The following KIAA1671 variants were observed in gnomAD, a reference collection of about 807,000 sequenced individuals.
KIAA1671 encodes the protein KIAA1671.
A neutral mutation model predicts 131.2 loss-of-function variants in KIAA1671; 52 were observed. The observed-to-expected ratio is 0.40, with a 90% CI of 0.32 to 0.50. The LOEUF is 0.50. Among genes scored for constraint, KIAA1671 ranks in the 20% least tolerant of loss-of-function variants. The pLI is 0.73. For missense variants in KIAA1671, 2,360 were observed against 2,364.2 expected (o/e 1.00, Z 0.04); for synonymous variants, 1,003 against 961.6 (o/e 1.04, Z -0.80).
chr22:25,082,580 C>G (rs1929469055), intron 6 of KIAA1671, among the ~76,000 whole-genome samples: 1 of 152,200 alleles, frequency 6.6e-6, no homozygotes, highest in Non-Finnish European at 1.5e-5. Flanking sequence ...TGCCTGTAAT[C>G]TCAGAACCTT....
intron 1 of KIAA1671, among the ~76,000 whole-genome samples, chr22:24,993,701 T>C (rs2123850942): frequency 6.6e-6 from 1 of 152,328 alleles, no homozygotes; most frequent in East Asian, 1.9e-4. Context: ...TTATCCACAT[T>C]GCTCTATCAC....
intron 6 of KIAA1671, among the ~76,000 whole-genome samples, chr22:25,117,028 A>G (rs1931700644): frequency 6.6e-6 from 1 of 152,146 alleles, no homozygotes; most frequent in African/African-American, 2.4e-5. Flanking sequence ...TGTGCATTGT[A>G]AGCTTATCCC....
chr22:25,100,309 A>G (rs912514765), intron 6 of KIAA1671, among the ~76,000 whole-genome samples: 13 of 152,214 alleles, frequency 8.5e-5, no homozygotes, highest in African/African-American at 2.9e-4. Context: ...CCCCAAAGCC[A>G]TGTTGGTGAA....
At chr22:24,963,897 G>A (rs1602029514) in intron 1 of KIAA1671, among the ~76,000 whole-genome samples, 2 of 147,612 alleles carry the variant, frequency 1.4e-5, no homozygotes, top group East Asian at 2.0e-4. Context: ...CCAAGATCAC[G>A]CCACTGCACT....
At chr22:24,979,963 TCTC>T (rs755777331) in intron 1 of KIAA1671, among the ~76,000 whole-genome samples, 27 of 151,916 alleles carry the variant, frequency 1.8e-4, no homozygotes, top group Non-Finnish European at 3.8e-4. Flanking sequence ...AGAATTCCCT[TCTC>T]TTTTTTTTTT....
At position 25,121,216 on chromosome 22, in the gene KIAA1671, A is replaced by G. The variant is rs548892443; in HGVS notation, c.4531-49604A>G. 6.6e-5 allele frequency among the ~76,000 whole-genome samples: 10 copies of G among 152,160 alleles called. No homozygotes were observed. The South Asian group carries it at 2.1e-3, about 32-fold the overall frequency. ...GGTGGCTCACGCCTGTAGTCCCAGC[A>G]CTTTGGGAGGCCGAGGCGGGCGGAT... is the stretch of plus-strand genomic sequence containing the variant. On this transcript the variant is annotated intron_variant, in intron 6 of 12. Transcript: ENST00000358431.
rs113149180 is a variant in KIAA1671, at chr22:25,122,713, G to A, written c.4531-48107G>A. 1.3e-3 allele frequency among the ~76,000 whole-genome samples: 192 copies of A among 152,260 alleles called. 1 individual carries two copies. Among genetic ancestry groups the A allele is most frequent in the African/African-American group, 4.5e-3 (185 of 41,550 alleles). On this transcript the variant is annotated intron_variant, in intron 6 of 12. Transcript: ENST00000358431. The stretch of plus-strand genomic sequence containing the variant: ...TTATTGGCCGGTTGCAGTGGCTCAC[G>A]CCCATAATCCCAGCACTTTGGGAGG...
intron 3 of KIAA1671, among the ~76,000 whole-genome samples, chr22:25,030,438 G>T (rs1337909965): frequency 6.6e-6 from 1 of 152,046 alleles, no homozygotes; most frequent in Non-Finnish European, 1.5e-5. Flanking sequence ...AGGAGGCTGA[G>T]GCAGGAGAAT....
At position 25,196,554 on chromosome 22, in the gene KIAA1671, C is replaced by A. The variant is rs1232009726; in HGVS notation, c.*4153C>A. The A allele has an allele frequency of 6.6e-6, 1 of 152,172 alleles. No homozygotes were observed. Among genetic ancestry groups the A allele is most frequent in the Non-Finnish European group, 1.5e-5 (1 of 68,084 alleles). The allele number at this position is 152,172 out of a possible 1,614,324, so 9.4% of individuals were successfully genotyped here. A position where few individuals can be genotyped will look rare whatever the true frequency, so the allele number is the denominator to read the frequency against. On this transcript the variant is annotated 3_prime_UTR_variant, in exon 13 of 13. Transcript: ENST00000358431. The stretch of plus-strand genomic sequence containing the variant: ...GGCTCAAGCAATCCTCTCATCTCCA[C>A]CTCCAGAGTAGCCTAGATGACAGGC...
chr22:25,019,242 TG>T (rs1925527514), intron 1 of KIAA1671, among the ~76,000 whole-genome samples: 1 of 152,162 alleles, frequency 6.6e-6, no homozygotes, highest in South Asian at 2.1e-4. Context: ...CAGCCACCCA[TG>T]GGCAAGTCAC....
intron 6 of KIAA1671, among the ~76,000 whole-genome samples, chr22:25,165,111 A>G (rs1933602555): frequency 6.6e-6 from 1 of 151,994 alleles, no homozygotes; most frequent in Non-Finnish European, 1.5e-5. Context: ...ATGATGAGGC[A>G]TGAATAACTT....
intron 6 of KIAA1671, among the ~76,000 whole-genome samples, chr22:25,067,584 A>G (rs1928548144): frequency 6.6e-6 from 1 of 151,166 alleles, no homozygotes; most frequent in Non-Finnish European, 1.5e-5. Flanking sequence ...TCCTGCCTGT[A>G]ACTTCCTTCT....
At chr22:25,014,970 C>G (rs1925226724) in intron 1 of KIAA1671, 1 of 152,098 alleles carries the variant, frequency 6.6e-6, no homozygotes, top group African/African-American at 2.4e-5. Context: ...GGCGATATGG[C>G]CTCTGTAACA....
chr22:25,032,721 C>T (rs775572727), intron 4 of KIAA1671, 25 bp downstream of exon 4: 76 of 1,452,184 alleles, frequency 5.2e-5, no homozygotes, highest in Middle Eastern at 1.7e-4. Flanking sequence ...TGTAGCACGT[C>T]TCTCATTAAC....
At chr22:24,957,189 G>A (rs1219077990) in intron 1 of KIAA1671, among the ~76,000 whole-genome samples, 1 of 152,134 alleles carries the variant, frequency 6.6e-6, no homozygotes, top group African/African-American at 2.4e-5. Context: ...GTGTGTGCCT[G>A]TGTGTGTTGG....
intron 6 of KIAA1671, among the ~76,000 whole-genome samples, chr22:25,157,786 G>A (rs985256809): frequency 6.6e-6 from 1 of 151,140 alleles, no homozygotes; most frequent in African/African-American, 2.4e-5. Context: ...TTCACTGTCA[G>A]CACACTGCAC....
Position 25,105,314 on chromosome 22 carries a change from G to A in KIAA1671, c.4530+55950G>A, listed in dbSNP as rs117964590. 1.1e-4 allele frequency among the ~76,000 whole-genome samples: 16 copies of A among 152,190 alleles called. No homozygotes were observed. The East Asian group carries it at 1.7e-3, about 17-fold the overall frequency. ...TGGGATTACGGGCATAAGCCACCACGCCTGGCCCATTTTCTGATTTCTGAA... is the reference window on the plus strand; with the variant it reads ...TGGGATTACGGGCATAAGCCACCACACCTGGCCCATTTTCTGATTTCTGAA... On this transcript the variant is annotated intron_variant, in intron 6 of 12. Transcript: ENST00000358431.
At chr22:25,113,969 C>T (rs1931524178) in intron 6 of KIAA1671, among the ~76,000 whole-genome samples, 1 of 152,174 alleles carries the variant, frequency 6.6e-6, no homozygotes, top group South Asian at 2.1e-4. Context: ...GCTCTGTTGG[C>T]ATCCCTCTTT....
At chr22:24,976,771 C>T (rs1184876242) in intron 1 of KIAA1671, among the ~76,000 whole-genome samples, 3 of 152,174 alleles carry the variant, frequency 2.0e-5, no homozygotes, top group African/African-American at 2.4e-5. Context: ...GCAGGAGTCT[C>T]GTGCAAGAGA....
Sources: allele counts gnomAD v4.1 joint callset (sites outside exome capture counted in the v4.1 genomes callset), GRCh38; gene constraint gnomAD v4.1.1; transcripts MANE v1.5; gene names NCBI Gene and HGNC (gene_info 2026-07-23, HGNC 2026-07-21).